DDAH1: variants seen among roughly 807,000 people sequenced by gnomAD.
The protein encoded by DDAH1 is N(G),N(G)-dimethylarginine dimethylaminohydrolase 1.
In DDAH1, 19 loss-of-function variants were observed where a neutral mutation model predicts 28.8. The ratio of observed to expected loss-of-function variants is 0.66; its 90% CI spans 0.46 to 0.97. The LOEUF is 0.97. Ranked by LOEUF, DDAH1 falls within the 50% of genes least tolerant of loss-of-function variation. The probability of loss-of-function intolerance (pLI) is 0.00; values close to 1 mark genes in which losing one functional copy is unlikely to be tolerated. For missense variants in DDAH1, 326 were observed against 375.9 expected, an observed-to-expected ratio of 0.87 and a Z score of 1.10; for synonymous variants, 153 against 154.4, an observed-to-expected ratio of 0.99 and a Z score of 0.07.
In DDAH1 at chr1:85,350,339, C is replaced by A. The variant is rs186554339; in HGVS notation, c.597+76G>T. On this transcript the variant is annotated intron_variant, in intron 4 of 5. Coordinates refer to ENST00000284031, the MANE Select transcript of DDAH1 (RefSeq NM_012137.4). ...CCCTGCCAACCCTGCTTGTTACTCCCCCAGCAGAGAGAATGTGAAAAACCC... is the reference window on the plus strand; with the variant it reads ...CCCTGCCAACCCTGCTTGTTACTCCACCAGCAGAGAGAATGTGAAAAACCC... 283 of 1,554,744 alleles carry A rather than the reference C, an allele frequency of 1.8e-4. 1 individual carries two copies. Among genetic ancestry groups the A allele is most frequent in the Middle Eastern group, 1.7e-3 (9 of 5,196 alleles).
chr1:85,498,363 TAAAG>T (rs942009231), intron 1 of DDAH1, among the ~76,000 whole-genome samples: 5 of 152,248 alleles, frequency 3.3e-5, no homozygotes, highest in African/African-American at 1.2e-4. Flanking sequence ...TCATTTCTTT[TAAAG>T]ACAATTGATT....
chr1:85,480,606 G>T (rs1053404991), intron 2 of DDAH1, among the ~76,000 whole-genome samples: 3 of 152,122 alleles, frequency 2.0e-5, no homozygotes, highest in Non-Finnish European at 4.4e-5. Context: ...GTAGCTGGGT[G>T]TGGTGGCAGG....
intron 1 of DDAH1, among the ~76,000 whole-genome samples, chr1:85,385,846 G>C (rs1306854902): frequency 6.6e-6 from 1 of 152,190 alleles, no homozygotes; most frequent in Non-Finnish European, 1.5e-5. Flanking sequence ...ATCCATCTGG[G>C]AAGGGCTTCA....
At chr1:85,380,986 C>T (rs1650953757) in intron 1 of DDAH1, among the ~76,000 whole-genome samples, 1 of 152,200 alleles carries the variant, frequency 6.6e-6, no homozygotes, top group South Asian at 2.1e-4. Flanking sequence ...CCTGTAATCC[C>T]AGCACTTTGG....
At chr1:85,321,947 T>C (rs567177556) in intron 5 of DDAH1, among the ~76,000 whole-genome samples, 79 of 152,328 alleles carry the variant, frequency 5.2e-4, no homozygotes, top group African/African-American at 1.9e-3. Context: ...AGGGTCTTGC[T>C]CTGTCGTCCA....
At chr1:85,410,127 A>G (rs1652581768) in intron 1 of DDAH1, among the ~76,000 whole-genome samples, 1 of 151,824 alleles carries the variant, frequency 6.6e-6, no homozygotes, top group Non-Finnish European at 1.5e-5. Flanking sequence ...CAAAAAATAC[A>G]AAAATTAGCC....
intron 1 of DDAH1, among the ~76,000 whole-genome samples, chr1:85,422,562 A>G (rs1219143658): frequency 2.0e-5 from 3 of 152,180 alleles, no homozygotes; most frequent in Admixed American, 1.3e-4. Context: ...TCCATTTTGC[A>G]TTAATACTTA....
intron 1 of DDAH1, among the ~76,000 whole-genome samples, chr1:85,387,936 C>T (rs1385159340): frequency 2.0e-5 from 3 of 152,156 alleles, no homozygotes; most frequent in Non-Finnish European, 4.4e-5. Flanking sequence ...GCAGACATCA[C>T]ATGGTGAGAG....
chr1:85,459,803 A>AT (rs1405815231), intron 1 of DDAH1, among the ~76,000 whole-genome samples: 1 of 152,236 alleles, frequency 6.6e-6, no homozygotes, highest in African/African-American at 2.4e-5. Context: ...CTGAATTGTT[A>AT]TTTTTAAACT....
intron 4 of DDAH1, among the ~76,000 whole-genome samples, chr1:85,338,876 T>TA (rs35025364): frequency 0.34 from 49,489 of 143,484 alleles, 8,305 homozygotes; most frequent in South Asian, 0.4. Flanking sequence ...CCATCTCTAC[T>TA]AAAAAAAAAA....
chr1:85,489,896 G>A (rs1470563294), intron 2 of DDAH1, among the ~76,000 whole-genome samples: 1 of 151,994 alleles, frequency 6.6e-6, no homozygotes, highest in African/African-American at 2.4e-5. Flanking sequence ...TTATATTGAT[G>A]GTTTTTTGAA....
intron 1 of DDAH1, among the ~76,000 whole-genome samples, chr1:85,362,393 A>T (rs369467708): frequency 2.0e-5 from 3 of 151,994 alleles, no homozygotes; most frequent in East Asian, 1.9e-4. Context: ...GAATATTACC[A>T]CTCTAAGGGA....
chr1:85,463,470 A>C (rs1436859664), intron 1 of DDAH1, among the ~76,000 whole-genome samples: 2 of 152,242 alleles, frequency 1.3e-5, no homozygotes, highest in Non-Finnish European at 2.9e-5. Context: ...TCAGTTTAAA[A>C]GAGTGGGACA....
chr1:85,364,729 A>G (rs1649974953), intron 1 of DDAH1, among the ~76,000 whole-genome samples: 1 of 152,032 alleles, frequency 6.6e-6, no homozygotes, highest in Non-Finnish European at 1.5e-5. Flanking sequence ...TTTTTAGTAG[A>G]GACGGGGTTT....
At chr1:85,541,692 C>G (rs2100785821) in intron 1 of DDAH1, among the ~76,000 whole-genome samples, 1 of 152,264 alleles carries the variant, frequency 6.6e-6, no homozygotes, top group South Asian at 2.1e-4. Flanking sequence ...TTGTAGAAAC[C>G]TAATTCCCAA....
At chr1:85,322,379 T>C (rs1374118401) in intron 5 of DDAH1, among the ~76,000 whole-genome samples, 1 of 152,260 alleles carries the variant, frequency 6.6e-6, no homozygotes, top group Non-Finnish European at 1.5e-5. Context: ...TTGACACTAA[T>C]AGAAAGCATA....
At position 85,318,942 on chromosome 1, in the gene DDAH1, TTAAC is replaced by T. The variant is rs1442146975; in HGVS notation, c.*2506_*2509del. On this transcript the variant is annotated 3_prime_UTR_variant, in exon 6 of 6. Transcript: ENST00000284031. ...TAATGTATTTTCTCTATATCATCCTTTAACTAAATTGAATCACATCACCCAAGTA... is the reference window on the plus strand; with the variant it reads ...TAATGTATTTTCTCTATATCATCCTTTAAATTGAATCACATCACCCAAGTA... 6.6e-6 allele frequency: 1 copy of T among 152,224 alleles called. No individual in the cohort carries two copies. The highest frequency in any genetic ancestry group is 1.5e-5 in the Non-Finnish European group (1 of 68,030). 9.4% of individuals were successfully genotyped at this position (152,224 alleles called of 1,614,324 possible).
chr1:85,321,272 CCTCG>C lies in DDAH1; in HGVS notation c.*176_*179del, dbSNP rs1661326479. On this transcript the variant is annotated 3_prime_UTR_variant, in exon 6 of 6. Transcript: ENST00000284031. ...TAGCAAATCCACAGCTTAGGTACCA[CCTCG>C]AGGGGAGGGAGGGTGGGGGTGTTGA... The C allele has an allele frequency of 1.2e-5, 7 of 561,688 alleles. No homozygotes were observed. Among genetic ancestry groups the C allele is most frequent in the Non-Finnish European group, 3.2e-6 (1 of 313,700 alleles). 34.8% of individuals were successfully genotyped at this position (561,688 alleles called of 1,614,324 possible).
chr1:85,506,746 G>A (rs1335925485), intron 1 of DDAH1, among the ~76,000 whole-genome samples: 1 of 152,184 alleles, frequency 6.6e-6, no homozygotes, highest in Non-Finnish European at 1.5e-5. Context: ...TTTACCATGT[G>A]GGTGATGAGG....
Sources: gnomAD v4.1 joint callset for allele counts (sites outside exome capture counted in the v4.1 genomes callset) on GRCh38, gnomAD v4.1.1 for gene constraint, MANE v1.5 for transcripts, NCBI Gene and HGNC (gene_info 2026-07-23, HGNC 2026-07-21) for gene names.